SHISA9: variants seen among roughly 807,000 people sequenced by gnomAD.
The protein encoded by SHISA9 is shisa family member 9, also known as protein shisa-9.
SHISA9 carries 13 observed loss-of-function variants against 38.0 expected under a neutral mutation model. That is an observed-to-expected ratio of 0.34 (90% CI 0.22 to 0.54). The LOEUF (loss-of-function observed/expected upper bound fraction) is 0.54, where lower values mean the gene tolerates loss of function less well. Among genes scored for constraint, SHISA9 ranks in the 20% least tolerant of loss-of-function variants. SHISA9 has a pLI of 0.91. For synonymous variants in SHISA9, 275 were observed against 242.0 expected, an observed-to-expected ratio of 1.14 and a Z score of -1.27; for missense variants, 538 against 575.8, an observed-to-expected ratio of 0.93 and a Z score of 0.67.
the SHISA9 span, among the ~76,000 whole-genome samples, chr16:13,389,295 A>G: frequency 1.3e-5 from 2 of 152,062 alleles, no homozygotes; most frequent in African/African-American, 4.8e-5. Flanking sequence ...CTTTCCCAGA[A>G]TTGTCATTGA....
intron 2 of SHISA9, among the ~76,000 whole-genome samples, chr16:13,186,576 G>A (rs1005578163): frequency 2.0e-5 from 3 of 152,090 alleles, no homozygotes; most frequent in Non-Finnish European, 2.9e-5. Flanking sequence ...GATTACAGGT[G>A]TGAAGCCACC....
At chr16:13,518,761 A>G in the SHISA9 span, among the ~76,000 whole-genome samples, 1 of 152,240 alleles carries the variant, frequency 6.6e-6, no homozygotes, top group East Asian at 1.9e-4. Flanking sequence ...GCAGAAGACA[A>G]CAGACTGCGC....
At chr16:13,100,358 ATTG>A (rs1233789500) in intron 2 of SHISA9, among the ~76,000 whole-genome samples, 2 of 152,054 alleles carry the variant, frequency 1.3e-5, no homozygotes, top group Non-Finnish European at 2.9e-5. Flanking sequence ...GCATTAGAAA[ATTG>A]TTGTTTGTAA....
the SHISA9 span, among the ~76,000 whole-genome samples, chr16:13,298,253 G>A: frequency 1.3e-5 from 2 of 152,262 alleles, no homozygotes; most frequent in African/African-American, 2.4e-5. Flanking sequence ...CAGAGAGGAT[G>A]TGGACTTTAT....
chr16:13,244,813 T>C (rs1883033139), downstream of SHISA9, among the ~76,000 whole-genome samples: 1 of 152,242 alleles, frequency 6.6e-6, no homozygotes, highest in Non-Finnish European at 1.5e-5. Flanking sequence ...AACAATTCTT[T>C]GAGCTATCTG....
intron 2 of SHISA9, among the ~76,000 whole-genome samples, chr16:12,998,581 G>A (rs1472270397): frequency 6.6e-6 from 1 of 152,188 alleles, no homozygotes; most frequent in East Asian, 1.9e-4. Context: ...CTAGGCTGGA[G>A]TGCAGTGGTG....
intron 2 of SHISA9, among the ~76,000 whole-genome samples, chr16:13,037,078 A>ACAC (rs1567190722): frequency 1.3e-4 from 13 of 102,636 alleles, no homozygotes; most frequent in African/African-American, 2.6e-4. Flanking sequence ...ACACACACAC[A>ACAC]CACACCACAC....
At chr16:13,256,323 C>T in the SHISA9 span, among the ~76,000 whole-genome samples, 3 of 151,998 alleles carry the variant, frequency 2.0e-5, no homozygotes, top group Admixed American at 2.0e-4. Context: ...CTGTTGTTGC[C>T]CAGGCTGGAG....
At chr16:13,044,476 A>G (rs2073165420) in intron 2 of SHISA9, among the ~76,000 whole-genome samples, 1 of 152,216 alleles carries the variant, frequency 6.6e-6, no homozygotes, top group Non-Finnish European at 1.5e-5. Context: ...AGTGTTGGCC[A>G]TAGGGGAGTG....
At chr16:13,344,648 T>A in the SHISA9 span, among the ~76,000 whole-genome samples, 1 of 152,196 alleles carries the variant, frequency 6.6e-6, no homozygotes, top group Non-Finnish European at 1.5e-5. Flanking sequence ...AATGGCCATA[T>A]GTACTGAGTT....
the SHISA9 span, among the ~76,000 whole-genome samples, chr16:13,392,463 C>T: frequency 6.6e-6 from 1 of 152,126 alleles, no homozygotes; most frequent in African/African-American, 2.4e-5. Flanking sequence ...TTTATTGATT[C>T]ACCTACTGAA....
downstream of SHISA9, among the ~76,000 whole-genome samples, chr16:13,243,723 C>G (rs140035282): frequency 7.3e-3 from 1,109 of 151,002 alleles, 11 homozygotes; most frequent in African/African-American, 0.026. Context: ...ATGGCCTGAA[C>G]CAGTGTTTCA....
the SHISA9 span, among the ~76,000 whole-genome samples, chr16:13,482,268 C>T: frequency 6.6e-6 from 1 of 152,246 alleles, no homozygotes; most frequent in Non-Finnish European, 1.5e-5. Flanking sequence ...CTACTGAAGA[C>T]CACAGTGCCT....
chr16:13,387,420 C>T, the SHISA9 span, among the ~76,000 whole-genome samples: 10 of 151,876 alleles, frequency 6.6e-5, no homozygotes, highest in Non-Finnish European at 1.0e-4. Context: ...ATTCATGTTG[C>T]TGCAAGCCGA....
chr16:13,188,515 C>G (rs146391540), intron 2 of SHISA9, among the ~76,000 whole-genome samples: 2 of 151,786 alleles, frequency 1.3e-5, no homozygotes, highest in Non-Finnish European at 2.9e-5. Flanking sequence ...CCTAGGAGTT[C>G]GAGACCAGCC....
intron 2 of SHISA9, among the ~76,000 whole-genome samples, chr16:12,970,825 G>A: frequency 6.6e-6 from 1 of 151,824 alleles, no homozygotes; most frequent in Middle Eastern, 3.2e-3. Flanking sequence ...CGCCTGGCCG[G>A]GGCATATGTT....
intron 2 of SHISA9, among the ~76,000 whole-genome samples, chr16:13,002,235 A>T (rs1286370134): frequency 6.6e-6 from 1 of 152,188 alleles, no homozygotes; most frequent in Non-Finnish European, 1.5e-5. Context: ...GTTTAATGTC[A>T]TATGGTTACT....
chr16:13,062,188 T>TAAA (rs34685957), intron 2 of SHISA9, among the ~76,000 whole-genome samples: 1 of 146,438 alleles, frequency 6.8e-6, no homozygotes, highest in Non-Finnish European at 1.5e-5. Flanking sequence ...GGACTTACGC[T>TAAA]AAAAAAAAAA....
In SHISA9 at chr16:13,033,457, C is replaced by G. The variant is rs1264558803; in HGVS notation, c.691+116642C>G. Among the ~76,000 whole-genome samples, 8 of 152,140 alleles carry G rather than the reference C, an allele frequency of 5.3e-5. No homozygotes were observed. The South Asian group carries it at 1.2e-3, about 24-fold the overall frequency. On this transcript the variant is annotated intron_variant, in intron 2 of 4. Transcript: ENST00000558583. ...ATTTCTTTCTTTTTCAGAAGCCTTTCTTTTTCTGCTTCTCTAATCCACATG... is the reference window on the plus strand; with the variant it reads ...ATTTCTTTCTTTTTCAGAAGCCTTTGTTTTTCTGCTTCTCTAATCCACATG...
Sources: gnomAD v4.1 joint callset for allele counts (sites outside exome capture counted in the v4.1 genomes callset) on GRCh38, gnomAD v4.1.1 for gene constraint, MANE v1.5 for transcripts, NCBI Gene and HGNC (gene_info 2026-07-23, HGNC 2026-07-21) for gene names.